Variants in PLAGL1 observed in about 807,000 individuals in gnomAD.
PLAGL1 encodes the protein zinc finger protein PLAGL1.
Under a neutral mutation model 4.6 loss-of-function variants are expected in PLAGL1, and 1 was observed. That is an observed-to-expected ratio of 0.22 (90% CI 0.08 to 1.03). PLAGL1 has a LOEUF of 1.03. Ranked by LOEUF, PLAGL1 falls within the 50% of genes least tolerant of loss-of-function variation. The probability of loss-of-function intolerance (pLI) is 0.58; values close to 1 mark genes in which losing one functional copy is unlikely to be tolerated. For missense variants in PLAGL1, 464 were observed against 570.4 expected, an observed-to-expected ratio of 0.81 and a Z score of 1.90; for synonymous variants, 240 against 237.8, an observed-to-expected ratio of 1.01 and a Z score of -0.08.
At position 143,945,421 on chromosome 6, in the gene PLAGL1, CCA is replaced by C. The variant is rs144589023; in HGVS notation, c.152+2562_152+2563del. ...GTTTCATTATATGCTGTACTGGGAC[CCA>C]CATTCTGTTTTCTGGTTAAGCAAGT... On this transcript the variant is annotated intron_variant, in intron 7 of 7. Transcript: ENST00000674357. This position sits in a 1 kb window ranked among gnomAD's most constrained non-coding sequence, Gnocchi z 4.2. Among the ~76,000 whole-genome samples the C allele has an allele frequency of 0.016, 2,428 of 152,290 alleles. 65 individuals carry two copies. Among genetic ancestry groups the C allele is most frequent in the African/African-American group, 0.056 (2,324 of 41,546 alleles).
chr6:143,984,474 A>G lies in PLAGL1; in HGVS notation c.-544+661T>C, dbSNP rs1788602476. Among the ~76,000 whole-genome samples, 2 of 152,092 alleles carry G rather than the reference A, an allele frequency of 1.3e-5. No homozygotes were observed. The highest frequency in any genetic ancestry group is 1.3e-4 in the Admixed American group (2 of 15,262). ...CATTTTCCATATAATATCAGTTAAC[A>G]TCCTAAGGAATGAGTATGCCAAGGT... is the stretch of plus-strand genomic sequence containing the variant. On this transcript the variant is annotated intron_variant, in intron 2 of 7. Coordinates refer to ENST00000674357, the MANE Select transcript of PLAGL1 (RefSeq NM_001317162.2). The surrounding 1 kb of genome is among the most constrained non-coding windows in gnomAD (Gnocchi z 5.5).
Position 144,053,878 on chromosome 6 carries a change from A to G in PLAGL1, c.-151+10590T>C, listed in dbSNP as rs1798753889. Among the ~76,000 whole-genome samples the G allele has an allele frequency of 6.6e-6, 1 of 152,212 alleles. No individual in the cohort carries two copies. Among genetic ancestry groups the G allele is most frequent in the African/African-American group, 2.4e-5 (1 of 41,454 alleles). On this transcript the variant is annotated intron_variant, in intron 1 of 3. Transcript: ENST00000437412. The surrounding 1 kb of genome is among the most constrained non-coding windows in gnomAD (Gnocchi z 4.0). ...TGTCATCTCTGGGCTCAGCCTCTTT[A>G]AGAAGCTGCAGGAAAGTCTTTGATT...
Position 144,027,230 on chromosome 6 carries a change from C to CGAAA in PLAGL1, c.-151+37237_-151+37238insTTTC, listed in dbSNP as rs761735778. Among the ~76,000 whole-genome samples the CGAAA allele has an allele frequency of 0.026, 2,570 of 98,678 alleles. 63 individuals carry two copies. The highest frequency in any genetic ancestry group is 0.045 in the African/African-American group (1,080 of 23,992). The allele number at this position is 98,678 out of a possible 152,430, so 64.7% of individuals were successfully genotyped here. ...CAGAGAAAGACCCCAACTCAAAGAA[C>CGAAA]GAACGAAAGAAAGAAAGAAAGAAAG... On this transcript the variant is annotated intron_variant, in intron 1 of 3. Transcript: ENST00000437412. This position sits in a 1 kb window ranked among gnomAD's most constrained non-coding sequence, Gnocchi z 5.8.
At chr6:144,054,093 A>G (rs1164077637) in intron 1 of PLAGL1, among the ~76,000 whole-genome samples, 1 of 152,252 alleles carries the variant, frequency 6.6e-6, no homozygotes, top group East Asian at 1.9e-4. Flanking sequence ...CTTTATAATT[A>G]TAAAGTCTCA....
At chr6:144,011,479 A>G (rs1465337054), upstream of PLAGL1, among the ~76,000 whole-genome samples, 1 of 152,160 alleles carries the variant, frequency 6.6e-6, no homozygotes. This position sits in a 1 kb window ranked among gnomAD's most constrained non-coding sequence, Gnocchi z 4.3. Flanking sequence ...CTTTAACATT[A>G]ATATACCCTT....
In PLAGL1 at chr6:143,963,375, C is replaced by T. The variant is rs1783776603; in HGVS notation, c.-399+1412G>A. 6.6e-6 allele frequency among the ~76,000 whole-genome samples: 1 copy of T among 152,182 alleles called. No individual in the cohort carries two copies. Among genetic ancestry groups the T allele is most frequent in the African/African-American group, 2.4e-5 (1 of 41,448 alleles). On this transcript the variant is annotated intron_variant, in intron 5 of 7. Coordinates refer to ENST00000674357, the MANE Select transcript of PLAGL1 (RefSeq NM_001317162.2). This position sits in a 1 kb window ranked among gnomAD's most constrained non-coding sequence, Gnocchi z 6.1. Reference sequence around the variant, plus strand: ...CAAGGTCACATGGTGGGGCTTCAAACGTTAACCCACAGACTTGCTCCTCCT... The same window carrying T: ...CAAGGTCACATGGTGGGGCTTCAAATGTTAACCCACAGACTTGCTCCTCCT...
chr6:143,945,214 T>C lies in PLAGL1; in HGVS notation c.153-2551A>G, dbSNP rs1374137020. Among the ~76,000 whole-genome samples the C allele has an allele frequency of 6.6e-6, 1 of 152,234 alleles. No homozygotes were observed. The highest frequency in any genetic ancestry group is 1.9e-4 in the East Asian group (1 of 5,204). ...CTTGTTTCTTTCCCTCAGTTTTTCA[T>C]CTTACCTTATAACCCATGAAAACAG... is the stretch of plus-strand genomic sequence containing the variant. On this transcript the variant is annotated intron_variant, in intron 7 of 7. Transcript: ENST00000674357. The surrounding 1 kb of genome is among the most constrained non-coding windows in gnomAD (Gnocchi z 4.2).
rs1798704505 is a variant in PLAGL1 at position 144,053,176 on chromosome 6, C to T, written c.-151+11292G>A. ...TTTTGAAATGGTCTCACTCTGTCGC[C>T]CAGGCTGGAGTGCAGTGGCGCAATT... On this transcript the variant is annotated intron_variant, in intron 1 of 3. Coordinates refer to the PLAGL1 transcript ENST00000437412. This position sits in a 1 kb window ranked among gnomAD's most constrained non-coding sequence, Gnocchi z 4.0. 6.6e-6 allele frequency among the ~76,000 whole-genome samples: 1 copy of T among 152,168 alleles called. No homozygotes were observed. The highest frequency in any genetic ancestry group is 2.1e-4 in the South Asian group (1 of 4,830).
In PLAGL1 at chr6:143,995,306, C is replaced by T. The variant is rs945113312; in HGVS notation, c.-583-10132G>A. On this transcript the variant is annotated intron_variant, in intron 1 of 7. Coordinates refer to ENST00000674357, the MANE Select transcript of PLAGL1 (RefSeq NM_001317162.2). The surrounding 1 kb of genome is among the most constrained non-coding windows in gnomAD (Gnocchi z 4.4). ...ATGCAGATTATTTGTATGCACGTAT[C>T]AAGCTACCCTTTTCATATCATTCAA... 1.3e-5 allele frequency among the ~76,000 whole-genome samples: 2 copies of T among 152,156 alleles called. No individual in the cohort carries two copies. The highest frequency in any genetic ancestry group is 2.9e-5 in the Non-Finnish European group (2 of 68,014).
Position 143,959,333 on chromosome 6 carries a change from T to A in PLAGL1, c.-325+1136A>T, listed in dbSNP as rs1167494251. On this transcript the variant is annotated intron_variant, in intron 6 of 7. Transcript: ENST00000674357. This position sits in a 1 kb window ranked among gnomAD's most constrained non-coding sequence, Gnocchi z 5.3. ...AGCCCATGGACTCGCCACTGAATAC[T>A]TCGGCAGACACATTCCAGGATCTTC... Among the ~76,000 whole-genome samples the A allele has an allele frequency of 1.3e-5, 2 of 152,160 alleles. No homozygotes were observed. Among genetic ancestry groups the A allele is most frequent in the Non-Finnish European group, 2.9e-5 (2 of 68,034 alleles).
chr6:144,032,588 G>A (rs1796913577), intron 1 of PLAGL1, among the ~76,000 whole-genome samples: 1 of 152,006 alleles, frequency 6.6e-6, no homozygotes. Flanking sequence ...TTGAGACGGA[G>A]TCTTGGTTTG....
At chr6:144,038,906 A>T (rs1797492709) in intron 1 of PLAGL1, among the ~76,000 whole-genome samples, 1 of 152,234 alleles carries the variant, frequency 6.6e-6, no homozygotes, top group Non-Finnish European at 1.5e-5. Context: ...CTCTATGAAT[A>T]TACTAAAAGC....
intron 2 of PLAGL1, among the ~76,000 whole-genome samples, chr6:143,980,875 A>T (rs1229943879): frequency 6.6e-6 from 1 of 152,192 alleles, no homozygotes; most frequent in East Asian, 1.9e-4. Flanking sequence ...TGATCCTTCA[A>T]ACCAAGTGTC....
Position 143,959,270 on chromosome 6 carries a change from A to G in PLAGL1, c.-325+1199T>C, listed in dbSNP as rs1295364683. 2.0e-5 allele frequency among the ~76,000 whole-genome samples: 3 copies of G among 152,122 alleles called. No homozygotes were observed. Among genetic ancestry groups the G allele is most frequent in the Non-Finnish European group, 4.4e-5 (3 of 68,022 alleles). On this transcript the variant is annotated intron_variant, in intron 6 of 7. Coordinates refer to ENST00000674357, the MANE Select transcript of PLAGL1 (RefSeq NM_001317162.2). The surrounding 1 kb of genome is among the most constrained non-coding windows in gnomAD (Gnocchi z 5.3). The stretch of plus-strand genomic sequence containing the variant: ...TGGCCCCCTTCAGCTCCTGAGACAG[A>G]CAAGGCCTGCTGTGTTAGCCACACC...
chr6:143,958,040 G>A lies in PLAGL1; in HGVS notation c.-325+2429C>T, dbSNP rs1782540323. Among the ~76,000 whole-genome samples, 1 of 152,194 alleles carries A rather than the reference G, an allele frequency of 6.6e-6. No homozygotes were observed. The highest frequency in any genetic ancestry group is 1.5e-5 in the Non-Finnish European group (1 of 68,026). ...GAGCTCGGAGTCATGAAGCAGCATAGGGCAATGTGGAACACGTGGTGCAGC... is the reference window on the plus strand; with the variant it reads ...GAGCTCGGAGTCATGAAGCAGCATAAGGCAATGTGGAACACGTGGTGCAGC... On this transcript the variant is annotated intron_variant, in intron 6 of 7. Coordinates refer to ENST00000674357, the MANE Select transcript of PLAGL1 (RefSeq NM_001317162.2). The surrounding 1 kb of genome is among the most constrained non-coding windows in gnomAD (Gnocchi z 5.1).
rs149733956 is a variant in PLAGL1, at chr6:143,957,964, G to A, written c.-325+2505C>T. 1.2e-3 allele frequency among the ~76,000 whole-genome samples: 189 copies of A among 152,274 alleles called. No individual in the cohort carries two copies. The highest frequency in any genetic ancestry group is 0.01 in the Middle Eastern group (3 of 294). ...TTAGGCTGAGTCTAGGAGTATACCC[G>A]GTTGACAAATGGAGGAGGCATATTG... On this transcript the variant is annotated intron_variant, in intron 6 of 7. Transcript: ENST00000674357. This position sits in a 1 kb window ranked among gnomAD's most constrained non-coding sequence, Gnocchi z 4.2.
Position 144,030,795 on chromosome 6 carries a change from A to G in PLAGL1, c.-151+33673T>C, listed in dbSNP as rs147634676. On this transcript the variant is annotated intron_variant, in intron 1 of 3. Coordinates refer to the PLAGL1 transcript ENST00000437412. The stretch of plus-strand genomic sequence containing the variant: ...ATATTTTTGCAATTGTGCTGCTATA[A>G]ACATGAGTGTGCAAGTATCTTTATC... Among the ~76,000 whole-genome samples, 22 of 152,350 alleles carry G rather than the reference A, an allele frequency of 1.4e-4. No individual in the cohort carries two copies. In the East Asian group the frequency reaches 3.9e-3, roughly 27 times the overall value.
rs1358403452 is a variant in PLAGL1, at chr6:144,000,910, C to A, written c.-584+7180G>T. On this transcript the variant is annotated intron_variant, in intron 1 of 7. Transcript: ENST00000674357. This position sits in a 1 kb window ranked among gnomAD's most constrained non-coding sequence, Gnocchi z 4.1. ...TCATCAAACTAAGAAAAGTCATAAT[C>A]TCAATAGATGCAGAAAAAGCATTTG... Among the ~76,000 whole-genome samples, 2 of 152,070 alleles carry A rather than the reference C, an allele frequency of 1.3e-5. No homozygotes were observed. Among genetic ancestry groups the A allele is most frequent in the African/African-American group, 4.8e-5 (2 of 41,440 alleles).
At chr6:144,044,128 G>A (rs1797946084) in intron 1 of PLAGL1, among the ~76,000 whole-genome samples, 1 of 151,994 alleles carries the variant, frequency 6.6e-6, no homozygotes, top group African/African-American at 2.4e-5. Context: ...CAAAAACCAG[G>A]TCCTGGATTC....
Sources: gnomAD v4.1 joint callset for allele counts (sites outside exome capture counted in the v4.1 genomes callset) on GRCh38, gnomAD v4.1.1 for gene constraint, Gnocchi (gnomAD v3.1) non-coding constraint, MANE v1.5 for transcripts, NCBI Gene and HGNC (gene_info 2026-07-23, HGNC 2026-07-21) for gene names.